The following SYT9 variants were observed in gnomAD, a reference collection of about 807,000 sequenced individuals.
SYT9 encodes synaptotagmin 9.
A neutral mutation model predicts 48.4 loss-of-function variants in SYT9; 22 were observed. The observed-to-expected ratio is 0.45, with a 90% CI of 0.32 to 0.65. The LOEUF is 0.65. Among genes scored for constraint, SYT9 ranks in the 30% least tolerant of loss-of-function variants. The probability of loss-of-function intolerance (pLI) is 0.03; values close to 1 mark genes in which losing one functional copy is unlikely to be tolerated. For missense variants in SYT9, 577 were observed against 622.0 expected, an observed-to-expected ratio of 0.93 and a Z score of 0.77; for synonymous variants, 265 against 245.0, an observed-to-expected ratio of 1.08 and a Z score of -0.76.
At chr11:7,377,896 A>C (rs75706615) in intron 3 of SYT9, among the ~76,000 whole-genome samples, 4,815 of 152,212 alleles carry the variant, frequency 0.032, 241 homozygotes, top group African/African-American at 0.1. Flanking sequence ...TGGACAAGTT[A>C]ATTAACCTCT....
chr11:7,330,406 G>A (rs1169176612), intron 3 of SYT9, among the ~76,000 whole-genome samples: 4 of 152,096 alleles, frequency 2.6e-5, no homozygotes, highest in Non-Finnish European at 5.9e-5. Flanking sequence ...ATGCGTTGAT[G>A]ACAAAGGGGC....
At chr11:7,425,548 CAAAAAG>C (rs1310293060) in intron 6 of SYT9, among the ~76,000 whole-genome samples, 2 of 151,820 alleles carry the variant, frequency 1.3e-5, no homozygotes, top group Non-Finnish European at 2.9e-5. Context: ...TGAGACAAGA[CAAAAAG>C]AAAAGCATGG....
At chr11:7,342,271 T>C (rs1454694111) in intron 3 of SYT9, among the ~76,000 whole-genome samples, 2 of 152,168 alleles carry the variant, frequency 1.3e-5, no homozygotes, top group Non-Finnish European at 2.9e-5. Context: ...CAAAAGTTCA[T>C]AGTCCAAAGA....
At chr11:7,314,785 G>A (rs956243869) in intron 3 of SYT9, among the ~76,000 whole-genome samples, 3 of 152,184 alleles carry the variant, frequency 2.0e-5, no homozygotes, top group Non-Finnish European at 2.9e-5. Context: ...AACTTTGTTA[G>A]CTCCTCTTCC....
At chr11:7,354,896 T>C (rs138627958) in intron 3 of SYT9, among the ~76,000 whole-genome samples, 239 of 152,214 alleles carry the variant, frequency 1.6e-3, no homozygotes, top group African/African-American at 5.7e-3. Context: ...TCTCCCAGGC[T>C]ACCCCTCCAC....
Position 7,297,100 on chromosome 11 carries a change from G to C in SYT9, c.146-5939G>C, listed in dbSNP as rs868016866. Among the ~76,000 whole-genome samples the C allele has an allele frequency of 1.6e-3, 238 of 149,640 alleles. 1 individual carries two copies. Among genetic ancestry groups the C allele is most frequent in the African/African-American group, 5.5e-3 (225 of 40,678 alleles). ...TGTGTGTGTGTGAGAGAGAGAGAGA[G>C]ACAGAGAGAGAGAGAGAGAGAGAGA... On this transcript the variant is annotated intron_variant, in intron 1 of 6. Transcript: ENST00000318881.
chr11:7,436,223 G>A (rs1403839711), intron 6 of SYT9, among the ~76,000 whole-genome samples: 2 of 152,196 alleles, frequency 1.3e-5, no homozygotes, highest in African/African-American at 2.4e-5. Flanking sequence ...TGCTGAGCAG[G>A]ACATGCTTGC....
chr11:7,364,669 T>A (rs1325372434), intron 3 of SYT9, among the ~76,000 whole-genome samples: 3 of 152,230 alleles, frequency 2.0e-5, no homozygotes, highest in African/African-American at 7.2e-5. Flanking sequence ...GGAAATTCTC[T>A]GCTGTCTCTT....
chr11:7,321,926 G>C (rs1022128880), intron 3 of SYT9, among the ~76,000 whole-genome samples: 5 of 152,130 alleles, frequency 3.3e-5, no homozygotes, highest in African/African-American at 1.2e-4. Flanking sequence ...AATGAGCAAT[G>C]AGGGCAACTA....
chr11:7,387,406 C>T (rs1850683243), intron 3 of SYT9, among the ~76,000 whole-genome samples: 1 of 152,042 alleles, frequency 6.6e-6, no homozygotes, highest in Non-Finnish European at 1.5e-5. Context: ...TTTTTGTTTC[C>T]TGAGCTTGTA....
At chr11:7,344,536 T>C (rs1187083170) in intron 3 of SYT9, among the ~76,000 whole-genome samples, 1 of 152,214 alleles carries the variant, frequency 6.6e-6, no homozygotes, top group East Asian at 1.9e-4. Context: ...ATTTTAGCTC[T>C]TGCATTTATA....
chr11:7,305,297 A>T (rs1380498226), intron 2 of SYT9, among the ~76,000 whole-genome samples: 1 of 152,208 alleles, frequency 6.6e-6, no homozygotes, highest in Non-Finnish European at 1.5e-5. Flanking sequence ...CTACTATAAG[A>T]AAACTACTCT....
intron 6 of SYT9, among the ~76,000 whole-genome samples, chr11:7,437,341 G>T (rs1422086658): frequency 6.6e-6 from 1 of 152,168 alleles, no homozygotes; most frequent in Non-Finnish European, 1.5e-5. Context: ...ATACATTTCA[G>T]TCATGACATG....
At chr11:7,411,282 T>G (rs1204085020) in intron 3 of SYT9, among the ~76,000 whole-genome samples, 8 of 152,212 alleles carry the variant, frequency 5.3e-5, no homozygotes, top group Non-Finnish European at 1.2e-4. Flanking sequence ...TTTTCTGTAG[T>G]TGTACCATTT....
chr11:7,282,450 A>T (rs558016150), intron 1 of SYT9, among the ~76,000 whole-genome samples: 35 of 152,318 alleles, frequency 2.3e-4, no homozygotes, highest in Middle Eastern at 3.4e-3. Flanking sequence ...GGGGTTTTAT[A>T]AAATATCCTT....
chr11:7,360,250 T>C (rs1850107031), intron 3 of SYT9, among the ~76,000 whole-genome samples: 3 of 152,154 alleles, frequency 2.0e-5, no homozygotes, highest in Non-Finnish European at 2.9e-5. Context: ...TTTTGGTTAC[T>C]GTAGACTTGT....
intron 1 of SYT9, among the ~76,000 whole-genome samples, chr11:7,245,286 A>G (rs1847779436): frequency 1.3e-5 from 2 of 152,212 alleles, no homozygotes; most frequent in Non-Finnish European, 1.5e-5. Flanking sequence ...AAATGCAACA[A>G]CATATATCAA....
intron 1 of SYT9, among the ~76,000 whole-genome samples, chr11:7,268,593 T>A (rs1474804894): frequency 6.6e-6 from 1 of 152,034 alleles, no homozygotes; most frequent in East Asian, 1.9e-4. Context: ...CTAGGAAGCC[T>A]AGTATTACAG....
At chr11:7,445,654 C>A (rs1847913724) in intron 6 of SYT9, among the ~76,000 whole-genome samples, 2 of 152,184 alleles carry the variant, frequency 1.3e-5, no homozygotes, top group Non-Finnish European at 2.9e-5. Flanking sequence ...AAGTTTCTGA[C>A]CTAAGTCACT....
Sources: allele counts gnomAD v4.1 joint callset (sites outside exome capture counted in the v4.1 genomes callset), GRCh38; gene constraint gnomAD v4.1.1; transcripts MANE v1.5; gene names NCBI Gene and HGNC (gene_info 2026-07-23, HGNC 2026-07-21).